INPP5A: variants seen among roughly 807,000 people sequenced by gnomAD.
INPP5A encodes the protein inositol polyphosphate-5-phosphatase A, also known as 43 kDa inositol polyphosphate 5-phophatase.
Under a neutral mutation model 65.2 loss-of-function variants are expected in INPP5A, and 14 were observed. The ratio of observed to expected loss-of-function variants is 0.21; its 90% CI spans 0.14 to 0.34. The LOEUF (loss-of-function observed/expected upper bound fraction) is 0.34, where lower values mean the gene tolerates loss of function less well. INPP5A is among the 10% of genes least tolerant of loss of function. INPP5A has a pLI of 1.00. For synonymous variants in INPP5A, 207 were observed against 208.3 expected (o/e 0.99, Z 0.05); for missense variants, 431 against 545.6 (o/e 0.79, Z 2.09).
chr10:132,671,550 C>T (rs1279844389), intron 4 of INPP5A, among the ~76,000 whole-genome samples: 1 of 152,248 alleles, frequency 6.6e-6, no homozygotes, highest in Non-Finnish European at 1.5e-5. Flanking sequence ...TTGGCTGGCA[C>T]AGCCCTTCCT....
chr10:132,682,214 A>G (rs534673853), intron 4 of INPP5A, among the ~76,000 whole-genome samples: 155 of 128,870 alleles, frequency 1.2e-3, no homozygotes, highest in African/African-American at 3.8e-3. Flanking sequence ...TGGAGATGGG[A>G]AGGTGGACAG....
intron 4 of INPP5A, among the ~76,000 whole-genome samples, chr10:132,680,240 CCGA>C (rs1443299973): frequency 6.6e-6 from 1 of 152,122 alleles, no homozygotes; most frequent in African/African-American, 2.4e-5. Flanking sequence ...ATAGAGAACT[CCGA>C]AAACTCAACA....
intron 1 of INPP5A, among the ~76,000 whole-genome samples, chr10:132,552,460 A>T (rs2071067394): frequency 1.5e-5 from 2 of 131,084 alleles, no homozygotes; most frequent in Non-Finnish European, 3.2e-5. Flanking sequence ...GGGAGGGAGG[A>T]TTGGTGAATG....
At chr10:132,562,731 C>T (rs1038224480) in intron 1 of INPP5A, among the ~76,000 whole-genome samples, 18 of 152,262 alleles carry the variant, frequency 1.2e-4, no homozygotes, top group Non-Finnish European at 2.9e-5. Context: ...TTCCACGGCT[C>T]ATCTCGAGGG....
At position 132,650,277 on chromosome 10, in the gene INPP5A, C is replaced by T; in HGVS notation, c.219-141C>T. On this transcript the variant is annotated intron_variant, in intron 3 of 15. Coordinates refer to ENST00000368594, the MANE Select transcript of INPP5A (RefSeq NM_005539.5). The surrounding 1 kb of genome is among the most constrained non-coding windows in gnomAD (Gnocchi z 5.5). ...GCTCCTGCGGTGGCTGCCGCCATTC[C>T]CTGCCCTCTGCCTGTCACGGGTGGA... The T allele has an allele frequency of 4.6e-6, 3 of 655,708 alleles. No homozygotes were observed. Among genetic ancestry groups the T allele is most frequent in the Non-Finnish European group, 8.3e-6 (3 of 360,176 alleles). 40.6% of individuals were successfully genotyped at this position (655,708 alleles called of 1,614,324 possible).
chr10:132,674,956 C>T lies in INPP5A; in HGVS notation c.307-15436C>T, dbSNP rs1379788025. On this transcript the variant is annotated intron_variant, in intron 4 of 15. Coordinates refer to ENST00000368594, the MANE Select transcript of INPP5A (RefSeq NM_005539.5). The surrounding 1 kb of genome is among the most constrained non-coding windows in gnomAD (Gnocchi z 4.4). ...CAGCATCCTTATCTGCCACTGACAC[C>T]TCAAGCACCATTGGATCTGCTGGGT... 2.0e-5 allele frequency among the ~76,000 whole-genome samples: 3 copies of T among 152,188 alleles called. No homozygotes were observed. The highest frequency in any genetic ancestry group is 2.9e-5 in the Non-Finnish European group (2 of 68,034).
At chr10:132,763,726 C>A (rs1297094553) in intron 11 of INPP5A, among the ~76,000 whole-genome samples, 2 of 151,724 alleles carry the variant, frequency 1.3e-5, no homozygotes, top group East Asian at 1.9e-4. Flanking sequence ...TAAACATGTG[C>A]CTGCATGCAC....
At chr10:132,602,782 T>A (rs1426784916) in intron 1 of INPP5A, among the ~76,000 whole-genome samples, 1 of 152,222 alleles carries the variant, frequency 6.6e-6, no homozygotes, top group African/African-American at 2.4e-5. Flanking sequence ...GCGGGCATCC[T>A]GGTGTTCCTG....
At chr10:132,780,546 G>A (rs1288668321) in intron 13 of INPP5A, among the ~76,000 whole-genome samples, 2 of 152,260 alleles carry the variant, frequency 1.3e-5, no homozygotes, top group East Asian at 1.9e-4. Context: ...AGGGGAGCTT[G>A]GGAGCCGGGC....
At chr10:132,636,896 G>A (rs947809894) in intron 2 of INPP5A, among the ~76,000 whole-genome samples, 3 of 152,112 alleles carry the variant, frequency 2.0e-5, no homozygotes, top group Non-Finnish European at 2.9e-5. Context: ...GTGCTGGTCC[G>A]ATTCTTTACA....
chr10:132,750,719 C>T (rs1051057049), intron 11 of INPP5A, among the ~76,000 whole-genome samples: 6 of 152,194 alleles, frequency 3.9e-5, no homozygotes, highest in South Asian at 4.1e-4. Flanking sequence ...CACGTGATGC[C>T]GTGTGCAACG....
At chr10:132,768,838 C>T (rs1013500564) in intron 12 of INPP5A, among the ~76,000 whole-genome samples, 3 of 152,232 alleles carry the variant, frequency 2.0e-5, no homozygotes, top group Admixed American at 6.5e-5. Flanking sequence ...GCAAACCGGC[C>T]GAGCAGCCAA....
At chr10:132,713,757 C>A (rs1845691618) in intron 8 of INPP5A, among the ~76,000 whole-genome samples, 1 of 152,160 alleles carries the variant, frequency 6.6e-6, no homozygotes, top group Non-Finnish European at 1.5e-5. Context: ...GGGACCTGTC[C>A]GGCCTCCCGG....
chr10:132,749,340 C>G (rs552174325), intron 9 of INPP5A, among the ~76,000 whole-genome samples, 177 bp from the exon 10 acceptor site: 1 of 150,232 alleles, frequency 6.7e-6, no homozygotes, highest in African/African-American at 2.4e-5. Context: ...GCCCTTCGCA[C>G]GTGTGAGGGT....
intron 2 of INPP5A, among the ~76,000 whole-genome samples, chr10:132,642,038 A>T (rs1183392482): frequency 6.6e-6 from 1 of 152,090 alleles, no homozygotes; most frequent in Non-Finnish European, 1.5e-5. Context: ...GTGGGAGGGG[A>T]TGTGGAGAGC....
chr10:132,710,045 T>A (rs1845607413), intron 7 of INPP5A, among the ~76,000 whole-genome samples: 2 of 152,264 alleles, frequency 1.3e-5, no homozygotes, highest in Admixed American at 6.5e-5. Flanking sequence ...AGCTTAGCCA[T>A]CAGGGAGAGT....
intron 1 of INPP5A, among the ~76,000 whole-genome samples, chr10:132,569,015 G>A (rs2071306393): frequency 6.7e-6 from 1 of 148,726 alleles, no homozygotes; most frequent in South Asian, 2.1e-4. Context: ...TCTTGGATTC[G>A]AGCGATTCTC....
intron 11 of INPP5A, among the ~76,000 whole-genome samples, chr10:132,754,314 G>A (rs962246892): frequency 7.2e-5 from 11 of 152,276 alleles, no homozygotes; most frequent in African/African-American, 1.9e-4. Context: ...GGAGCAGCAC[G>A]GTGAGCCCGT....
At position 132,782,389 on chromosome 10, in the gene INPP5A, C is replaced by T. The variant is rs765828078; in HGVS notation, c.*360C>T. Reference sequence around the variant, plus strand: ...GGAGGGGCTTCTTCAGCACAGAGACCCCCCACTGTGTCCAGGGACCCCCTC... The same window carrying T: ...GGAGGGGCTTCTTCAGCACAGAGACTCCCCACTGTGTCCAGGGACCCCCTC... On this transcript the variant is annotated 3_prime_UTR_variant, in exon 16 of 16. Transcript: ENST00000368594. The surrounding 1 kb of genome is among the most constrained non-coding windows in gnomAD (Gnocchi z 4.4). The T allele has an allele frequency of 3.2e-6, 1 of 314,684 alleles. No homozygotes were observed. Among genetic ancestry groups the T allele is most frequent in the Non-Finnish European group, 6.1e-6 (1 of 162,662 alleles). 19.5% of individuals were successfully genotyped at this position (314,684 alleles called of 1,614,324 possible). A position where few individuals can be genotyped will look rare whatever the true frequency, so the allele number is the denominator to read the frequency against.
Sources: gnomAD v4.1 joint callset for allele counts (sites outside exome capture counted in the v4.1 genomes callset) on GRCh38, gnomAD v4.1.1 for gene constraint, Gnocchi (gnomAD v3.1) non-coding constraint, MANE v1.5 for transcripts, NCBI Gene and HGNC (gene_info 2026-07-23, HGNC 2026-07-21) for gene names.